Variants in MTMR7 observed in about 807,000 individuals in gnomAD.
The protein encoded by MTMR7 is phosphatidylinositol-3-phosphate phosphatase MTMR7.
Under a neutral mutation model 81.2 loss-of-function variants are expected in MTMR7, and 76 were observed. The ratio of observed to expected loss-of-function variants is 0.94; its 90% CI spans 0.78 to 1.13. The LOEUF (loss-of-function observed/expected upper bound fraction) is 1.13, where lower values mean the gene tolerates loss of function less well. Ranked by LOEUF, MTMR7 falls within the 50% of genes most tolerant of loss-of-function variation. The pLI, the probability that MTMR7 is intolerant of heterozygous loss-of-function variation, is 0.00. For synonymous variants in MTMR7, 372 were observed against 289.8 expected, an observed-to-expected ratio of 1.28 and a Z score of -2.88; for missense variants, 1,044 against 820.0, an observed-to-expected ratio of 1.27 and a Z score of -3.34.
chr8:17,327,180 A>G (rs1727513176), intron 7 of MTMR7, among the ~76,000 whole-genome samples: 1 of 152,234 alleles, frequency 6.6e-6, no homozygotes, highest in Non-Finnish European at 1.5e-5. Flanking sequence ...GTGAAGTAAA[A>G]TTAATCAGTC....
At chr8:17,314,271 T>C (rs1817941446) in intron 7 of MTMR7, among the ~76,000 whole-genome samples, 1 of 152,068 alleles carries the variant, frequency 6.6e-6, no homozygotes, top group Non-Finnish European at 1.5e-5. Context: ...AATCAAGAAA[T>C]CATAGATTTC....
chr8:17,361,189 A>G lies in MTMR7; in HGVS notation c.396T>C (p.Leu132=). The G allele has an allele frequency of 6.2e-7, 1 of 1,614,140 alleles. No individual in the cohort carries two copies. The highest frequency in any genetic ancestry group is 8.5e-7 in the Non-Finnish European group (1 of 1,179,976). ...EREQGWVLID[L]SEEYTRMGLP... ...GGCCCATCCGCGTGTATTCTTCACT[A>G]AGATCGATCAGCACCCAGCCTTGCT... Residue 132 remains leucine (L), a synonymous_variant, in exon 4 of 14, where the codon CTT becomes CTC. Coordinates refer to ENST00000180173, the MANE Select transcript of MTMR7 (RefSeq NM_004686.5).
In MTMR7 at chr8:17,349,096, T is replaced by C. The variant is rs757089329; in HGVS notation, c.469-15A>G. 36 of 1,608,752 alleles carry C rather than the reference T, an allele frequency of 2.2e-5. No homozygotes were observed. The highest frequency in any genetic ancestry group is 3.0e-5 in the Non-Finnish European group (35 of 1,178,570). ...GAGTCACAGACCTGTCACCAGAAAA[T>C]ACAAAGAGATTTTTAGGCCATCTAG... On this transcript the variant is annotated splice_polypyrimidine_tract_variant and intron_variant, in intron 4 of 13. Transcript: ENST00000180173.
rs79335781 is a variant in MTMR7 at position 17,317,378 on chromosome 8, C to G, written c.866-3977G>C. 3.3e-3 allele frequency among the ~76,000 whole-genome samples: 496 copies of G among 152,296 alleles called. 6 individuals are homozygous for G. The East Asian group carries it at 0.037, about 11-fold the overall frequency. ...CCCCGGCATGGAATCTTCTGAACAC[C>G]TGAGTGCATCACGTTGGATGCCAGT... is the stretch of plus-strand genomic sequence containing the variant. On this transcript the variant is annotated intron_variant, in intron 7 of 13. Transcript: ENST00000180173.
At chr8:17,412,756 G>C (rs372164794) in intron 1 of MTMR7, among the ~76,000 whole-genome samples, 3 of 152,196 alleles carry the variant, frequency 2.0e-5, no homozygotes, top group Non-Finnish European at 4.4e-5. Context: ...GCCCCTTGCA[G>C]CTGCTACGCT....
intron 8 of MTMR7, 190 bp from the exon 9 acceptor site, chr8:17,311,826 T>A: frequency 1.3e-6 from 1 of 781,024 alleles, no homozygotes; most frequent in Non-Finnish European, 2.0e-6. Flanking sequence ...CAGCTAAAGC[T>A]TTCCCTTCCC....
intron 5 of MTMR7, among the ~76,000 whole-genome samples, chr8:17,342,539 T>A (rs7005753): frequency 6.6e-6 from 1 of 151,914 alleles, no homozygotes; most frequent in South Asian, 2.1e-4. Context: ...TGTCTTTGAA[T>A]CCCAACCCAG....
intron 4 of MTMR7, among the ~76,000 whole-genome samples, chr8:17,359,029 G>C (rs982439421): frequency 2.0e-5 from 3 of 152,024 alleles, no homozygotes; most frequent in Non-Finnish European, 1.5e-5. Flanking sequence ...AAGCAGCTGG[G>C]ACTACAGGTG....
intron 4 of MTMR7, among the ~76,000 whole-genome samples, chr8:17,352,446 A>T (rs953721744): frequency 6.6e-6 from 1 of 152,224 alleles, no homozygotes; most frequent in Non-Finnish European, 1.5e-5. Flanking sequence ...TAAAAAAATT[A>T]ACTCAAAATG....
intron 1 of MTMR7, among the ~76,000 whole-genome samples, chr8:17,392,683 C>T (rs966973530): frequency 6.6e-6 from 1 of 152,174 alleles, no homozygotes; most frequent in Non-Finnish European, 1.5e-5. Flanking sequence ...TATTAAAGAA[C>T]AATATGCTCC....
intron 3 of MTMR7, among the ~76,000 whole-genome samples, chr8:17,368,694 A>C (rs1037980687): frequency 2.0e-5 from 3 of 152,200 alleles, no homozygotes; most frequent in African/African-American, 7.2e-5. Context: ...TTAACATTAC[A>C]CTGTGAACTG....
intron 1 of MTMR7, among the ~76,000 whole-genome samples, chr8:17,388,203 C>T (rs991953789): frequency 6.6e-6 from 1 of 152,118 alleles, no homozygotes; most frequent in Non-Finnish European, 1.5e-5. Flanking sequence ...GATATGTAGG[C>T]TTAAAAGAAC....
intron 2 of MTMR7, among the ~76,000 whole-genome samples, chr8:17,371,573 G>A (rs942761570): frequency 4.6e-5 from 7 of 152,148 alleles, no homozygotes; most frequent in African/African-American, 1.4e-4. Context: ...GTCAACACAA[G>A]TTAGAGATGG....
chr8:17,325,539 C>T (rs1249778371), intron 7 of MTMR7, among the ~76,000 whole-genome samples: 1 of 152,182 alleles, frequency 6.6e-6, no homozygotes. Context: ...TGCTTGGCCC[C>T]CTTTCATTCA....
At chr8:17,373,042 A>G in intron 2 of MTMR7, 76 bp downstream of exon 2, 3 of 1,557,772 alleles carry the variant, frequency 1.9e-6, no homozygotes, top group Non-Finnish European at 2.6e-6. Flanking sequence ...CACCCTGAGG[A>G]AAAATGAATG....
intron 1 of MTMR7, among the ~76,000 whole-genome samples, chr8:17,402,249 G>A (rs1311512981): frequency 6.6e-6 from 1 of 151,978 alleles, no homozygotes; most frequent in African/African-American, 2.4e-5. Context: ...AAACAATCCA[G>A]TTATACTCTT....
At position 17,333,915 on chromosome 8, in the gene MTMR7, AAG is replaced by A. The variant is rs1368542980; in HGVS notation, c.733-2635_733-2634del. Reference sequence around the variant, plus strand: ...TATCCCAGGCAGAGATACAAAAAAAAAGAGAGACAGACTACACAGTCTACAAA... The same window carrying A: ...TATCCCAGGCAGAGATACAAAAAAAAAGAGACAGACTACACAGTCTACAAA... On this transcript the variant is annotated intron_variant, in intron 6 of 13. Coordinates refer to ENST00000180173, the MANE Select transcript of MTMR7 (RefSeq NM_004686.5). 2.5e-4 allele frequency among the ~76,000 whole-genome samples: 38 copies of A among 152,366 alleles called. 1 individual carries two copies. Among genetic ancestry groups the A allele is most frequent in the Admixed American group, 1.7e-3 (26 of 15,308 alleles).
In MTMR7 at chr8:17,371,033, C is replaced by G. The variant is rs1249147358; in HGVS notation, c.310+4G>C. The stretch of plus-strand genomic sequence containing the variant: ...ATATTAAATGCCGAGTTCCTCTGCC[C>G]TACCTGGCCTTGCAAGGCGTATCAG... On this transcript the variant is annotated splice_donor_region_variant and intron_variant, in intron 3 of 13. Transcript: ENST00000180173. 1 of 1,611,562 alleles carries G rather than the reference C, an allele frequency of 6.2e-7. No individual in the cohort carries two copies. The highest frequency in any genetic ancestry group is 1.1e-5 in the South Asian group (1 of 90,354).
intron 6 of MTMR7, among the ~76,000 whole-genome samples, chr8:17,334,078 T>C (rs992416664): frequency 6.6e-6 from 1 of 152,204 alleles, no homozygotes; most frequent in African/African-American, 2.4e-5. Context: ...GTAATCTCCC[T>C]TAAAAGCAAA....
Sources: gnomAD v4.1 joint callset for allele counts (sites outside exome capture counted in the v4.1 genomes callset) on GRCh38, gnomAD v4.1.1 for gene constraint, MANE v1.5 for transcripts, NCBI Gene and HGNC (gene_info 2026-07-23, HGNC 2026-07-21) for gene names.